AK5: variants seen among roughly 807,000 people sequenced by gnomAD.
The protein encoded by AK5 is adenylate kinase 5.
AK5 carries 27 observed loss-of-function variants against 69.5 expected under a neutral mutation model. The ratio of observed to expected loss-of-function variants is 0.39; its 90% confidence interval spans 0.29 to 0.54. AK5 has a LOEUF of 0.54. AK5 is among the 20% of genes least tolerant of loss of function. The pLI is 0.71. For missense variants in AK5, 531 were observed against 700.4 expected, an observed-to-expected ratio of 0.76 and a Z score of 2.73; for synonymous variants, 260 against 244.4, an observed-to-expected ratio of 1.06 and a Z score of -0.60.
chr1:77,491,899 A>T (rs540426101), intron 10 of AK5, among the ~76,000 whole-genome samples: 31 of 152,332 alleles, frequency 2.0e-4, no homozygotes, highest in Admixed American at 3.9e-4. Flanking sequence ...TAAGTGGTGG[A>T]TCTGGAGGTT....
intron 12 of AK5, among the ~76,000 whole-genome samples, chr1:77,526,554 C>A (rs1358489578): frequency 7.0e-6 from 1 of 143,100 alleles, no homozygotes; most frequent in Non-Finnish European, 1.5e-5. Flanking sequence ...TGGCTCACTG[C>A]AAGCTCTGCC....
intron 12 of AK5, among the ~76,000 whole-genome samples, chr1:77,533,827 C>T (rs1658807146): frequency 6.6e-6 from 1 of 152,122 alleles, no homozygotes; most frequent in African/African-American, 2.4e-5. Context: ...CTCATGCAAC[C>T]CTAACCCAAA....
Position 77,559,214 on chromosome 1 carries a change from C to T in AK5, c.*544C>T, listed in dbSNP as rs1393285863. 2 of 152,370 alleles carry T rather than the reference C, an allele frequency of 1.3e-5. No individual in the cohort carries two copies. The highest frequency in any genetic ancestry group is 2.9e-5 in the Non-Finnish European group (2 of 68,100). The allele number at this position is 152,370 out of a possible 1,614,324, so 9.4% of individuals were successfully genotyped here. On this transcript the variant is annotated 3_prime_UTR_variant, in exon 14 of 14. Coordinates refer to ENST00000354567, the MANE Select transcript of AK5 (RefSeq NM_174858.3). ...TGGGTTGATTACACAATGCCTTGTA[C>T]ATGATATAGAGGCATCAAGCAAGTA... is the stretch of plus-strand genomic sequence containing the variant.
chr1:77,536,160 T>C (rs975870884), intron 13 of AK5, 122 bp downstream of exon 13: 4 of 1,143,056 alleles, frequency 3.5e-6, no homozygotes, highest in Middle Eastern at 3.0e-4. Flanking sequence ...TCTGTGCAGC[T>C]GCAGCACTGG....
intron 6 of AK5, among the ~76,000 whole-genome samples, chr1:77,363,927 A>G (rs544766641): frequency 6.6e-6 from 1 of 151,952 alleles, no homozygotes; most frequent in South Asian, 2.1e-4. Flanking sequence ...TTCTTTGTCT[A>G]CCTCTTCTGG....
At chr1:77,420,873 C>A (rs1441779957) in intron 8 of AK5, among the ~76,000 whole-genome samples, 1 of 152,166 alleles carries the variant, frequency 6.6e-6, no homozygotes, top group African/African-American at 2.4e-5. Context: ...ATATTTTAGG[C>A]TTTGTGGGCC....
At chr1:77,523,615 C>T (rs1443620939) in intron 12 of AK5, among the ~76,000 whole-genome samples, 2 of 152,152 alleles carry the variant, frequency 1.3e-5, no homozygotes, top group Non-Finnish European at 2.9e-5. Flanking sequence ...GAAACCATCA[C>T]CACCATCTTG....
At chr1:77,541,068 A>G (rs1375864747) in intron 13 of AK5, among the ~76,000 whole-genome samples, 1 of 152,092 alleles carries the variant, frequency 6.6e-6, no homozygotes, top group Non-Finnish European at 1.5e-5. Context: ...CACCACACCC[A>G]GCTAATGTTT....
At chr1:77,542,315 T>C (rs538354992) in intron 13 of AK5, among the ~76,000 whole-genome samples, 16 of 151,816 alleles carry the variant, frequency 1.1e-4, no homozygotes, top group Admixed American at 8.5e-4. Flanking sequence ...AAAACGAGAC[T>C]CGGTCTCAAA....
chr1:77,553,259 A>C (rs1659904870), intron 13 of AK5, among the ~76,000 whole-genome samples: 1 of 152,226 alleles, frequency 6.6e-6, no homozygotes, highest in Admixed American at 6.5e-5. Context: ...ATGCTAAGTC[A>C]GTTAAATGCA....
chr1:77,325,254 C>T (rs1200780125), intron 5 of AK5, among the ~76,000 whole-genome samples: 1 of 151,744 alleles, frequency 6.6e-6, no homozygotes, highest in East Asian at 1.9e-4. Flanking sequence ...ATCCGCCCAC[C>T]TCGGCCTCCC....
At chr1:77,359,012 T>A (rs1646802744) in intron 6 of AK5, among the ~76,000 whole-genome samples, 1 of 151,860 alleles carries the variant, frequency 6.6e-6, no homozygotes, top group African/African-American at 2.4e-5. Flanking sequence ...TCCCAGCACT[T>A]TGAGAGGCTG....
intron 6 of AK5, among the ~76,000 whole-genome samples, chr1:77,409,339 C>T (rs1392414438): frequency 1.3e-5 from 2 of 152,194 alleles, no homozygotes; most frequent in Non-Finnish European, 2.9e-5. Flanking sequence ...AATTGCCGTA[C>T]TGCTTTCCAC....
intron 8 of AK5, among the ~76,000 whole-genome samples, chr1:77,468,738 T>C (rs1654295326): frequency 6.6e-6 from 1 of 152,270 alleles, no homozygotes; most frequent in African/African-American, 2.4e-5. Context: ...TTCCAGATGA[T>C]GTCACCATGT....
intron 11 of AK5, among the ~76,000 whole-genome samples, chr1:77,519,172 CTTT>C (rs1171939116): frequency 6.6e-6 from 1 of 152,010 alleles, no homozygotes; most frequent in Admixed American, 6.6e-5. Context: ...CCTTTTCTAT[CTTT>C]TTTCTTCTAA....
At chr1:77,501,537 A>T (rs758207843) in intron 10 of AK5, among the ~76,000 whole-genome samples, 2 of 152,256 alleles carry the variant, frequency 1.3e-5, no homozygotes, top group African/African-American at 4.8e-5. Flanking sequence ...AACAAATAGT[A>T]TAAATACATA....
intron 2 of AK5, among the ~76,000 whole-genome samples, chr1:77,290,870 C>T (rs961709988): frequency 6.6e-6 from 1 of 152,110 alleles, no homozygotes; most frequent in Non-Finnish European, 1.5e-5. Flanking sequence ...GGGGACCTTA[C>T]AGTCCAGCAG....
At chr1:77,419,701 T>C (rs1276494649) in intron 8 of AK5, among the ~76,000 whole-genome samples, 1 of 152,074 alleles carries the variant, frequency 6.6e-6, no homozygotes, top group African/African-American at 2.4e-5. Flanking sequence ...TTAGGAGACA[T>C]TGAGGATAGA....
intron 10 of AK5, among the ~76,000 whole-genome samples, chr1:77,518,083 AAC>A (rs1349158604): frequency 1.1e-4 from 17 of 152,344 alleles, no homozygotes; most frequent in African/African-American, 3.8e-4. Flanking sequence ...TGAAAATAAA[AAC>A]ACTTATTTTT....
Sources: gnomAD v4.1 joint callset for allele counts (sites outside exome capture counted in the v4.1 genomes callset) on GRCh38, gnomAD v4.1.1 for gene constraint, MANE v1.5 for transcripts, NCBI Gene and HGNC (gene_info 2026-07-23, HGNC 2026-07-21) for gene names.